VPS13B: variants seen among roughly 807,000 people sequenced by gnomAD.
The protein encoded by VPS13B is intermembrane lipid transfer protein VPS13B.
In VPS13B, 285 loss-of-function variants were observed where a neutral mutation model predicts 426.4. The ratio of observed to expected loss-of-function variants is 0.67; its 90% confidence interval spans 0.61 to 0.74. The LOEUF (loss-of-function observed/expected upper bound fraction) is 0.74. VPS13B is among the 30% of genes least tolerant of loss of function. VPS13B has a pLI of 0.00. For synonymous variants in VPS13B, 1,676 were observed against 1,676.4 expected (o/e 1.00, Z 0.01); for missense variants, 4,537 against 4,782.6 (o/e 0.95, Z 1.51).
intron 5 of VPS13B, among the ~76,000 whole-genome samples, chr8:99,104,885 A>G (rs565364573): frequency 6.6e-6 from 1 of 152,280 alleles, no homozygotes; most frequent in South Asian, 2.1e-4. Flanking sequence ...TTGGCCTCCC[A>G]AAGTGTTGGG....
intron 19 of VPS13B, among the ~76,000 whole-genome samples, chr8:99,378,219 C>T (rs1211305053): frequency 7.1e-6 from 1 of 140,524 alleles, no homozygotes; most frequent in African/African-American, 2.6e-5. Context: ...TGATATTCCT[C>T]TTACCCGTTT....
intron 34 of VPS13B, among the ~76,000 whole-genome samples, chr8:99,644,517 A>C (rs1288132089): frequency 6.6e-6 from 1 of 152,136 alleles, no homozygotes; most frequent in Non-Finnish European, 1.5e-5. Context: ...CGTGGAACCC[A>C]ATTTTGGTAC....
chr8:99,303,813 T>C (rs1316771211), intron 19 of VPS13B, among the ~76,000 whole-genome samples: 2 of 151,798 alleles, frequency 1.3e-5, no homozygotes, highest in Non-Finnish European at 2.9e-5. Flanking sequence ...GTATTGATTG[T>C]GGCTCAGTGC....
At chr8:99,306,093 T>A (rs1820624043) in intron 19 of VPS13B, among the ~76,000 whole-genome samples, 1 of 152,150 alleles carries the variant, frequency 6.6e-6, no homozygotes, top group African/African-American at 2.4e-5. Flanking sequence ...TGAAGTGGAT[T>A]CTTTAAGTCA....
chr8:99,577,121 A>G (rs1295039008), intron 32 of VPS13B, among the ~76,000 whole-genome samples: 3 of 152,140 alleles, frequency 2.0e-5, no homozygotes, highest in Non-Finnish European at 4.4e-5. Context: ...TGCTCAGTAA[A>G]TATTAGTTGG....
At chr8:99,786,191 T>C (rs1028896318) in intron 43 of VPS13B, among the ~76,000 whole-genome samples, 1 of 152,138 alleles carries the variant, frequency 6.6e-6, no homozygotes, top group Non-Finnish European at 1.5e-5. Context: ...AAAGAATGAA[T>C]AGACAACCAC....
At chr8:99,225,438 G>A (rs149422271) in intron 17 of VPS13B, among the ~76,000 whole-genome samples, 5,714 of 152,022 alleles carry the variant, frequency 0.038, 133 homozygotes, top group Middle Eastern at 0.068. Context: ...CACCACGCCC[G>A]GCTAATGTTT....
chr8:99,603,410 T>A (rs900599861), intron 33 of VPS13B, among the ~76,000 whole-genome samples: 3 of 152,166 alleles, frequency 2.0e-5, no homozygotes, highest in Non-Finnish European at 4.4e-5. Flanking sequence ...CAGTGAGAGA[T>A]TAACAGTAAC....
At chr8:99,136,595 C>A in intron 11 of VPS13B, 70 bp from the exon 12 acceptor site, 1 of 1,456,764 alleles carries the variant, frequency 6.9e-7, no homozygotes, top group Non-Finnish European at 9.6e-7. Context: ...ATGTGTCTAA[C>A]CTATCAAGCT....
Position 99,143,157 on chromosome 8 carries a change from T to G in VPS13B, c.1835T>G (p.Leu612Arg), listed in dbSNP as rs1810522483. 3.1e-6 allele frequency: 5 copies of G among 1,613,918 alleles called. No individual in the cohort carries two copies. The highest frequency in any genetic ancestry group is 2.2e-5 in the South Asian group (2 of 91,080). The change falls in exon 13 of 62, where the codon CTA becomes CGA. Residue 612 changes from leucine (L) to arginine (R), a missense_variant. By Grantham distance (102) the Leu-to-Arg change is moderately radical (BLOSUM62 -2). Around this residue, in one of 2 missense-constraint regions of VPS13B, gnomAD observed 4,311 missense variants for 4,474.3 expected, o/e 0.96. Coordinates refer to ENST00000357162, the MANE Select transcript of VPS13B (RefSeq NM_152564.5). ...CATGAATATGAACCATATAGCAGGC[T>G]AAAATCAGGTTTGTTTCTGGATTAA... is the stretch of plus-strand genomic sequence containing the variant. ...LEHEYEPYSRLKSDIKDENET... is the reference protein window; with the variant it reads ...LEHEYEPYSRRKSDIKDENET...
intron 30 of VPS13B, among the ~76,000 whole-genome samples, chr8:99,531,176 T>G (rs905170429): frequency 2.0e-5 from 3 of 152,172 alleles, no homozygotes; most frequent in African/African-American, 7.2e-5. Context: ...ATAATCCCAG[T>G]GTTTGAGCTC....
intron 19 of VPS13B, among the ~76,000 whole-genome samples, chr8:99,308,160 T>G (rs1432981843): frequency 6.6e-6 from 1 of 151,978 alleles, no homozygotes; most frequent in Admixed American, 6.6e-5. Context: ...GACTTTTTTT[T>G]TGTTTTATTT....
intron 21 of VPS13B, among the ~76,000 whole-genome samples, chr8:99,408,270 G>A (rs1029018198): frequency 1.3e-5 from 2 of 152,186 alleles, no homozygotes; most frequent in African/African-American, 2.4e-5. Context: ...GGAGAAAAGT[G>A]TAGAAGGAGA....
chr8:99,341,194 A>G (rs550111572), intron 19 of VPS13B: 23 of 207,242 alleles, frequency 1.1e-4, no homozygotes, highest in South Asian at 4.4e-4. Flanking sequence ...AAGGCCTCTC[A>G]CTGGCTGAAA....
At chr8:99,801,428 A>G (rs1281092095) in intron 43 of VPS13B, among the ~76,000 whole-genome samples, 6 of 152,176 alleles carry the variant, frequency 3.9e-5, no homozygotes, top group African/African-American at 1.4e-4. Flanking sequence ...TGCTGCATTT[A>G]TGGCTTGTCT....
At chr8:99,442,182 G>A (rs560208570) in intron 22 of VPS13B, among the ~76,000 whole-genome samples, 4 of 152,214 alleles carry the variant, frequency 2.6e-5, no homozygotes, top group East Asian at 3.9e-4. Context: ...CTGTGGAAGG[G>A]CAGATCATCT....
At chr8:99,852,244 T>G (rs986871459) in intron 55 of VPS13B, among the ~76,000 whole-genome samples, 13 of 152,190 alleles carry the variant, frequency 8.5e-5, no homozygotes, top group African/African-American at 2.4e-4. Context: ...GAGATGTCAT[T>G]TAGACATCTA....
intron 3 of VPS13B, among the ~76,000 whole-genome samples, chr8:99,048,215 C>G (rs1197750033): frequency 6.6e-6 from 1 of 152,074 alleles, no homozygotes; most frequent in Non-Finnish European, 1.5e-5. Context: ...TGAGAGAGTG[C>G]TTGATATAAT....
intron 3 of VPS13B, among the ~76,000 whole-genome samples, chr8:99,054,993 G>T (rs1392265154): frequency 6.7e-6 from 1 of 149,084 alleles, no homozygotes; most frequent in African/African-American, 2.5e-5. Context: ...GTGCTTTGTA[G>T]TAAGTTTTGA....
Sources: gnomAD v4.1 joint callset for allele counts (sites outside exome capture counted in the v4.1 genomes callset) on GRCh38, gnomAD v4.1.1 for gene constraint, gnomAD v4.1.1 regional missense constraint, MANE v1.5 for transcripts, NCBI Gene and HGNC (gene_info 2026-07-23, HGNC 2026-07-21) for gene names.